Variants in COPG2 observed in about 807,000 individuals in gnomAD.
COPG2 encodes coat protein complex I subunit gamma 2.
Under a neutral mutation model 46.3 loss-of-function variants are expected in COPG2, and 37 were observed. The observed-to-expected ratio is 0.80, with a 90% CI of 0.61 to 1.05. The LOEUF (loss-of-function observed/expected upper bound fraction) is 1.05. Among genes scored for constraint, COPG2 ranks in the 50% least tolerant of loss-of-function variants. The probability of loss-of-function intolerance (pLI) is 0.00; values close to 1 mark genes in which losing one functional copy is unlikely to be tolerated. For synonymous variants in COPG2, 159 were observed against 129.7 expected (o/e 1.23, Z -1.53); for missense variants, 427 against 387.8 (o/e 1.10, Z -0.85).
In COPG2 at chr7:130,507,806, C is replaced by G. The variant is rs782276692; in HGVS notation, c.2265G>C (p.Val755=). The G allele has an allele frequency of 1.3e-6, 1 of 780,454 alleles. No individual in the cohort carries two copies. Among genetic ancestry groups the G allele is most frequent in the South Asian group, 1.3e-5 (1 of 74,574 alleles). 48.3% of individuals were successfully genotyped at this position (780,454 alleles called of 1,614,324 possible). ...DDEYVLEDLE[V]TVSDHIQKVL... ...CTTTCTGAATATGGTCAGACACAGT[C>G]ACTTCGAGATCTTCCAGCTAGTGGG... Residue 755 remains valine, a synonymous_variant, in exon 22 of 24, where the codon GTG becomes GTC. Coordinates refer to ENST00000425248, the MANE Select transcript of COPG2 (RefSeq NM_012133.6).
intron 9 of COPG2, among the ~76,000 whole-genome samples, chr7:130,577,767 CAAAAAAA>C (rs782674348): frequency 1.3e-5 from 1 of 78,150 alleles, no homozygotes; most frequent in East Asian, 3.6e-4. Flanking sequence ...GACTCCGTCT[CAAAAAAA>C]AAAAAAAAAA....
intron 20 of COPG2, among the ~76,000 whole-genome samples, chr7:130,522,383 G>A (rs1439454845): frequency 6.6e-6 from 1 of 152,188 alleles, no homozygotes; most frequent in Non-Finnish European, 1.5e-5. Flanking sequence ...CAGTCCTAAA[G>A]GTGGAATCTT....
chr7:130,560,923 A>G (rs1217695171), intron 12 of COPG2, 110 bp downstream of exon 12: 1 of 397,070 alleles, frequency 2.5e-6, no homozygotes, highest in Non-Finnish European at 4.4e-6. Context: ...AAAATTGATA[A>G]ATTAGACTTC....
At chr7:130,602,622 C>T (rs1177624086) in intron 9 of COPG2, among the ~76,000 whole-genome samples, 1 of 152,154 alleles carries the variant, frequency 6.6e-6, no homozygotes, top group Non-Finnish European at 1.5e-5. Flanking sequence ...CAGGCACACA[C>T]CATCACACCC....
intron 20 of COPG2, chr7:130,510,345 T>C: frequency 2.4e-6 from 1 of 423,016 alleles, no homozygotes; most frequent in Non-Finnish European, 4.6e-6. Context: ...GGATAGGATT[T>C]TCTTCAGAGA....
At chr7:130,595,350 G>A (rs181200768) in intron 9 of COPG2, among the ~76,000 whole-genome samples, 12 of 152,322 alleles carry the variant, frequency 7.9e-5, no homozygotes, top group African/African-American at 1.4e-4. Flanking sequence ...TTTCCAGGGC[G>A]AGAGGGAAAA....
chr7:130,509,340 A>C (rs782685486), intron 20 of COPG2: 2 of 494,862 alleles, frequency 4.0e-6, no homozygotes, highest in East Asian at 1.1e-4. Context: ...TGAAGTCTTT[A>C]TAAAAAGTAA....
chr7:130,506,840 A>G, intron 23 of COPG2, 34 bp from the exon 24 acceptor site: 1 of 757,846 alleles, frequency 1.3e-6, no homozygotes, highest in South Asian at 1.4e-5. Flanking sequence ...CCATATTAAG[A>G]ACCCAAAACA....
intron 5 of COPG2, among the ~76,000 whole-genome samples, chr7:130,641,782 T>A (rs558390246): frequency 6.6e-6 from 1 of 152,314 alleles, no homozygotes; most frequent in East Asian, 1.9e-4. Flanking sequence ...GTATATTTCT[T>A]ACTAAGTGGA....
intron 5 of COPG2, among the ~76,000 whole-genome samples, chr7:130,642,847 A>AC (rs2116207133): frequency 6.6e-6 from 1 of 152,218 alleles, no homozygotes; most frequent in African/African-American, 2.4e-5. Context: ...ACATGGTGAA[A>AC]CCACATCTCT....
chr7:130,615,221 G>C (rs1352898155), intron 6 of COPG2, among the ~76,000 whole-genome samples: 1 of 152,222 alleles, frequency 6.6e-6, no homozygotes, highest in Non-Finnish European at 1.5e-5. Context: ...GTACATAACA[G>C]AATGCCAGTG....
chr7:130,622,097 G>A (rs1795049735), intron 5 of COPG2, among the ~76,000 whole-genome samples: 1 of 152,092 alleles, frequency 6.6e-6, no homozygotes, highest in Non-Finnish European at 1.5e-5. Flanking sequence ...TATTTAGGAA[G>A]GTGTTCAGAC....
intron 9 of COPG2, among the ~76,000 whole-genome samples, chr7:130,573,292 T>C (rs1793941094): frequency 6.6e-6 from 1 of 151,496 alleles, no homozygotes. Flanking sequence ...ATACCAATTC[T>C]TCACAACTCT....
rs545528713 is a variant in COPG2 at position 130,600,533 on chromosome 7, G to A, written c.737+10420C>T. On this transcript the variant is annotated intron_variant, in intron 9 of 23. Transcript: ENST00000425248. Reference sequence around the variant, plus strand: ...TCACCTTGGCCTCCCAAAGTGCTAGGATTACAGGCGTGAGCCACTATGCCT... The same window carrying A: ...TCACCTTGGCCTCCCAAAGTGCTAGAATTACAGGCGTGAGCCACTATGCCT... Among the ~76,000 whole-genome samples, 3 of 152,262 alleles carry A rather than the reference G, an allele frequency of 2.0e-5. No homozygotes were observed. In the South Asian group the frequency reaches 6.2e-4, roughly 32 times the overall value.
chr7:130,603,227 T>G (rs529395218), intron 9 of COPG2, among the ~76,000 whole-genome samples: 7 of 152,356 alleles, frequency 4.6e-5, no homozygotes, highest in Admixed American at 4.6e-4. Context: ...AGGTTAGTTG[T>G]GCCTATGTTA....
chr7:130,572,342 T>A (rs1282417171), intron 9 of COPG2, among the ~76,000 whole-genome samples: 7 of 152,116 alleles, frequency 4.6e-5, no homozygotes, highest in African/African-American at 1.7e-4. Flanking sequence ...TACAGAAGAC[T>A]TGAACAACAT....
In COPG2 at chr7:130,540,360, A is replaced by AG. The variant is rs1294189998; in HGVS notation, c.2149+7313_2149+7314insC. 3.9e-5 allele frequency among the ~76,000 whole-genome samples: 6 copies of AG among 152,060 alleles called. No homozygotes were observed. The South Asian group carries it at 1.0e-3, about 26-fold the overall frequency. On this transcript the variant is annotated intron_variant, in intron 20 of 23. Transcript: ENST00000425248. ...GGAAACAACTGAGAACTCGGGAAAC[A>AG]AAGGGGGAAGTTTCTGCAGGCCGAT... is the stretch of plus-strand genomic sequence containing the variant.
intron 20 of COPG2, among the ~76,000 whole-genome samples, chr7:130,516,450 G>A (rs1332635279): frequency 6.6e-6 from 1 of 152,146 alleles, no homozygotes; most frequent in African/African-American, 2.4e-5. Context: ...TGTTCTGAGA[G>A]GGACATTAAG....
At chr7:130,613,417 G>T (rs1437497100) in intron 7 of COPG2, 127 bp downstream of exon 7, 1 of 669,186 alleles carries the variant, frequency 1.5e-6, no homozygotes, top group Non-Finnish European at 2.6e-6. Flanking sequence ...AACACACTTG[G>T]ATAAAGTAAT....
Sources: gnomAD v4.1 joint callset for allele counts (sites outside exome capture counted in the v4.1 genomes callset) on GRCh38, gnomAD v4.1.1 for gene constraint, MANE v1.5 for transcripts, NCBI Gene and HGNC (gene_info 2026-07-23, HGNC 2026-07-21) for gene names.